Variants in CD2AP observed in about 807,000 individuals in gnomAD.
CD2AP encodes CD2-associated protein.
A neutral mutation model predicts 85.1 loss-of-function variants in CD2AP; 46 were observed. The ratio of observed to expected loss-of-function variants is 0.54; its 90% confidence interval spans 0.43 to 0.69. The LOEUF (loss-of-function observed/expected upper bound fraction) is 0.69, where lower values mean the gene tolerates loss of function less well. CD2AP is among the 30% of genes least tolerant of loss of function. The pLI is 0.00. For missense variants in CD2AP, 769 were observed against 729.5 expected (o/e 1.05, Z -0.62); for synonymous variants, 255 against 252.9 (o/e 1.01, Z -0.08).
At chr6:47,582,499 G>A (rs1423477109) in intron 11 of CD2AP, among the ~76,000 whole-genome samples, 1 of 152,152 alleles carries the variant, frequency 6.6e-6, no homozygotes, top group African/African-American at 2.4e-5. Context: ...GGTACCACAT[G>A]TATTTTGCTA....
intron 1 of CD2AP, among the ~76,000 whole-genome samples, chr6:47,499,824 G>T (rs1020980269): frequency 1.3e-5 from 2 of 152,104 alleles, no homozygotes; most frequent in Non-Finnish European, 2.9e-5. Context: ...CGCCTCCCGG[G>T]TTCAAGCCAT....
chr6:47,599,276 T>G (rs773006934), intron 12 of CD2AP, 25 bp from the exon 13 acceptor site: 17 of 1,607,314 alleles, frequency 1.1e-5, no homozygotes, highest in Non-Finnish European at 1.4e-5. Flanking sequence ...ACTAGTGATT[T>G]TTGCGTGTTT....
chr6:47,576,948 ATAAG>A (rs935781862), intron 7 of CD2AP, 57 bp from the exon 8 acceptor site: 44 of 888,504 alleles, frequency 5.0e-5, no homozygotes, highest in African/African-American at 4.6e-4. Context: ...TAGAGGCTAA[ATAAG>A]TATTTGTTGA....
chr6:47,585,194 T>C (rs1384238136), intron 11 of CD2AP, among the ~76,000 whole-genome samples: 1 of 130,402 alleles, frequency 7.7e-6, no homozygotes, highest in Non-Finnish European at 1.8e-5. Context: ...TCCCAGCTAC[T>C]CAGGAGGCTG....
At chr6:47,571,232 T>G (rs943091194) in intron 5 of CD2AP, among the ~76,000 whole-genome samples, 1 of 152,192 alleles carries the variant, frequency 6.6e-6, no homozygotes, top group Non-Finnish European at 1.5e-5. Flanking sequence ...GAGGTATATA[T>G]TAAAACTATA....
At chr6:47,547,657 A>C (rs1767402686) in intron 4 of CD2AP, among the ~76,000 whole-genome samples, 1 of 152,156 alleles carries the variant, frequency 6.6e-6, no homozygotes. Context: ...AATTTAAACT[A>C]TACCCTGGAA....
At chr6:47,574,314 G>A (rs1049658994) in intron 6 of CD2AP, 63 bp downstream of exon 6, 43 of 1,450,322 alleles carry the variant, frequency 3.0e-5, no homozygotes, top group Non-Finnish European at 4.1e-5. Context: ...TTTTTAAAAT[G>A]TAAAAGTCAG....
intron 8 of CD2AP, among the ~76,000 whole-genome samples, chr6:47,577,630 A>C (rs1456359985): frequency 6.6e-6 from 1 of 152,238 alleles, no homozygotes; most frequent in African/African-American, 2.4e-5. Context: ...GAGAAAACCC[A>C]GTACTACTTG....
intron 7 of CD2AP, 112 bp downstream of exon 7, chr6:47,576,714 A>T: frequency 1.2e-6 from 1 of 837,866 alleles, no homozygotes; most frequent in Non-Finnish European, 2.0e-6. Context: ...AGCAAATTCT[A>T]TTAGATGTAA....
intron 1 of CD2AP, among the ~76,000 whole-genome samples, chr6:47,479,675 T>TTGGGAGGCCGAGGCGGGCGGATC (rs1765396328): frequency 6.6e-6 from 1 of 152,220 alleles, no homozygotes; most frequent in African/African-American, 2.4e-5. Flanking sequence ...TAAAGTTAAT[T>TTGGGAGGCCGAGGCGGGCGGATC]ACACAGTTCT....
rs148008333 is a variant in CD2AP, at chr6:47,539,225, C to T, written c.320-5381C>T. On this transcript the variant is annotated intron_variant, in intron 3 of 17. Coordinates refer to ENST00000359314, the MANE Select transcript of CD2AP (RefSeq NM_012120.3). ...ATTGTAAGTGCTTGATAAATGTTTA[C>T]AGTTATTCTGGTGTTTTATACTGTA... Among the ~76,000 whole-genome samples the T allele has an allele frequency of 1.1e-3, 166 of 152,276 alleles. 2 individuals are homozygous for T. The South Asian group carries it at 0.021, about 20-fold the overall frequency.
At chr6:47,523,870 T>C (rs1766656874) in intron 2 of CD2AP, among the ~76,000 whole-genome samples, 1 of 152,174 alleles carries the variant, frequency 6.6e-6, no homozygotes, top group African/African-American at 2.4e-5. Flanking sequence ...ACAGACATAG[T>C]ATATGTTGAA....
Position 47,576,943 on chromosome 6 carries a change from G to A in CD2AP, c.809-66G>A, listed in dbSNP as rs572279680. The A allele has an allele frequency of 3.4e-6, 3 of 871,980 alleles. 1 individual carries two copies. The South Asian group carries it at 4.0e-5, about 12-fold the overall frequency. 54.0% of individuals were successfully genotyped at this position (871,980 alleles called of 1,614,324 possible). A position where few individuals can be genotyped will look rare whatever the true frequency, so the allele number is the denominator to read the frequency against. ...TTAGTATACTTTACACAAGATAGAG[G>A]CTAAATAAGTATTTGTTGAATGAAT... On this transcript the variant is annotated intron_variant, in intron 7 of 17. Transcript: ENST00000359314.
At chr6:47,548,768 C>T (rs1209030107) in intron 4 of CD2AP, among the ~76,000 whole-genome samples, 1 of 152,052 alleles carries the variant, frequency 6.6e-6, no homozygotes, top group African/African-American at 2.4e-5. Flanking sequence ...AACTACAGAC[C>T]AATATTCCTG....
At chr6:47,599,475 A>T (rs777465765) in intron 13 of CD2AP, 32 bp downstream of exon 13, 6 of 977,262 alleles carry the variant, frequency 6.1e-6, no homozygotes, top group South Asian at 4.3e-5. Flanking sequence ...TGGTGCATTT[A>T]AAAAAAAAAA....
intron 11 of CD2AP, among the ~76,000 whole-genome samples, chr6:47,590,699 T>C (rs1354965971): frequency 6.6e-6 from 1 of 152,136 alleles, no homozygotes. Flanking sequence ...TACAGAGGGA[T>C]GACTGTACAG....
chr6:47,544,829 T>C (rs542230233), intron 4 of CD2AP, 123 bp downstream of exon 4: 1 of 677,854 alleles, frequency 1.5e-6, no homozygotes, highest in Non-Finnish European at 2.6e-6. Flanking sequence ...AAAAAAATGG[T>C]ATAGAGTTTC....
chr6:47,544,804 T>C (rs1767323480), intron 4 of CD2AP, 98 bp downstream of exon 4: 3 of 756,574 alleles, frequency 4.0e-6, no homozygotes, highest in South Asian at 1.5e-5. Flanking sequence ...TTGTGAGAAC[T>C]GTTGTCACTT....
intron 10 of CD2AP, 90 bp from the exon 11 acceptor site, chr6:47,581,913 T>C: frequency 1.2e-6 from 1 of 849,206 alleles, no homozygotes; most frequent in Non-Finnish European, 2.0e-6. Context: ...CTGATGTTAT[T>C]TTTCAACTCA....
Sources: allele counts gnomAD v4.1 joint callset (sites outside exome capture counted in the v4.1 genomes callset), GRCh38; gene constraint gnomAD v4.1.1; transcripts MANE v1.5; gene names NCBI Gene and HGNC (gene_info 2026-07-23, HGNC 2026-07-21).